Variants in HMGB1 observed in about 807,000 individuals in gnomAD.
HMGB1 encodes the protein high mobility group box 1.
For missense variants in HMGB1, 79 were observed against 253.5 expected (o/e 0.31, Z 4.67); for synonymous variants, 81 against 84.0 (o/e 0.96, Z 0.19).
chr13:30,474,642 A>T (rs1887023654), intron 1 of HMGB1, among the ~76,000 whole-genome samples: 1 of 152,000 alleles, frequency 6.6e-6, no homozygotes, highest in Non-Finnish European at 1.5e-5. Context: ...GGTGGCTCAC[A>T]CTTGTAATCT....
chr13:30,616,556 C>A (rs954513279), intron 1 of HMGB1: 4 of 152,192 alleles, frequency 2.6e-5, no homozygotes, highest in African/African-American at 9.7e-5. Context: ...GGAAGTACTA[C>A]TTTCTCCAAT....
At chr13:30,575,782 G>A (rs950887200) in intron 1 of HMGB1, among the ~76,000 whole-genome samples, 3 of 152,168 alleles carry the variant, frequency 2.0e-5, no homozygotes, top group Non-Finnish European at 2.9e-5. Flanking sequence ...GGTGCATGGT[G>A]ACACCTGCCT....
intron 1 of HMGB1, among the ~76,000 whole-genome samples, chr13:30,494,077 T>C (rs900108636): frequency 2.0e-5 from 3 of 152,224 alleles, no homozygotes; most frequent in Non-Finnish European, 4.4e-5. Context: ...AAAGTTGTTA[T>C]TTTAAAAATC....
chr13:30,466,050 G>T, upstream of HMGB1: 2 of 649,860 alleles, frequency 3.1e-6, no homozygotes, highest in Non-Finnish European at 3.8e-6. Context: ...CTGTCTCCGG[G>T]GACACGTCAT....
At chr13:30,523,755 G>GC (rs56723237) in intron 1 of HMGB1, among the ~76,000 whole-genome samples, 113,194 of 146,862 alleles carry the variant, frequency 0.77, 44,187 homozygotes, top group Non-Finnish European at 0.83. Context: ...TTTTTTGTTT[G>GC]TTTGAGATGG....
At chr13:30,586,708 C>CA (rs1324996908) in intron 1 of HMGB1, among the ~76,000 whole-genome samples, 2 of 151,968 alleles carry the variant, frequency 1.3e-5, no homozygotes, top group African/African-American at 4.8e-5. Flanking sequence ...TGGTCTTAAA[C>CA]TCCTGACCTC....
intron 1 of HMGB1, among the ~76,000 whole-genome samples, chr13:30,482,774 T>C (rs1296739741): frequency 7.0e-6 from 1 of 142,178 alleles, no homozygotes; most frequent in Non-Finnish European, 1.6e-5. Flanking sequence ...GTGAGGTCTT[T>C]ACCAATTTTT....
At chr13:30,554,341 C>T in intron 1 of HMGB1, 1 of 884,228 alleles carries the variant, frequency 1.1e-6, no homozygotes, top group Non-Finnish European at 1.9e-6. Flanking sequence ...GGTGCACGGG[C>T]ACCTTCTCTC....
At chr13:30,553,882 C>G in intron 1 of HMGB1, 5 of 1,338,622 alleles carry the variant, frequency 3.7e-6, no homozygotes, top group Non-Finnish European at 5.4e-6. Flanking sequence ...TATATTAATG[C>G]CAGCTTAGTT....
chr13:30,499,293 T>C (rs1035308984), intron 1 of HMGB1, among the ~76,000 whole-genome samples: 1 of 152,188 alleles, frequency 6.6e-6, no homozygotes, highest in South Asian at 2.1e-4. Flanking sequence ...GCCCCGAAGA[T>C]GGGTTCAGAA....
chr13:30,556,123 G>A (rs1869675122), intron 1 of HMGB1, among the ~76,000 whole-genome samples: 1 of 152,188 alleles, frequency 6.6e-6, no homozygotes, highest in Admixed American at 6.6e-5. Flanking sequence ...AAGTCATTGA[G>A]GCTGGGCGTG....
chr13:30,554,261 A>G (rs1370131605), intron 1 of HMGB1: 1 of 1,397,216 alleles, frequency 7.2e-7, no homozygotes, highest in African/African-American at 1.4e-5. Flanking sequence ...TTTCTTGTTG[A>G]AAGTGAGAGA....
At chr13:30,492,981 T>A (rs1012331492) in intron 1 of HMGB1, among the ~76,000 whole-genome samples, 2 of 114,436 alleles carry the variant, frequency 1.7e-5, no homozygotes, top group African/African-American at 7.0e-5. Flanking sequence ...GGTGACGAAG[T>A]GAGACTACAT....
chr13:30,515,844 C>T (rs180971334), intron 1 of HMGB1, among the ~76,000 whole-genome samples: 1 of 152,246 alleles, frequency 6.6e-6, no homozygotes, highest in Admixed American at 6.5e-5. Context: ...GAATATTTTA[C>T]AAACTAAGGT....
intron 1 of HMGB1, among the ~76,000 whole-genome samples, chr13:30,504,300 T>C (rs1887803509): frequency 1.3e-5 from 2 of 152,224 alleles, no homozygotes; most frequent in Non-Finnish European, 2.9e-5. Context: ...TTTTGACTCA[T>C]GAAGTTACTT....
rs1869020487 is a variant in HMGB1 at position 30,543,745 on chromosome 13, T to G, written c.-15+72926A>C. On this transcript the variant is annotated intron_variant, in intron 1 of 4. Transcript: ENST00000405805. ...TGAAGCCCCAACTGCAAAATAAGTCTGTCAAGGTCTCTAAAAATGTACACC... is the reference window on the plus strand; with the variant it reads ...TGAAGCCCCAACTGCAAAATAAGTCGGTCAAGGTCTCTAAAAATGTACACC... Among the ~76,000 whole-genome samples the G allele has an allele frequency of 2.6e-5, 4 of 152,192 alleles. No homozygotes were observed. In the South Asian group the frequency reaches 8.3e-4, roughly 31 times the overall value.
chr13:30,496,634 G>C (rs1160620988), intron 1 of HMGB1, among the ~76,000 whole-genome samples: 1 of 152,198 alleles, frequency 6.6e-6, no homozygotes, highest in Non-Finnish European at 1.5e-5. Flanking sequence ...ATCAAAGGGG[G>C]AGATTCTTTA....
chr13:30,542,118 G>C (rs933867288), intron 1 of HMGB1: 1 of 153,698 alleles, frequency 6.5e-6, no homozygotes, highest in African/African-American at 2.4e-5. Context: ...AGAGTAGTGC[G>C]GCCCCGCCTG....
rs181679126 is a variant in HMGB1 at position 30,600,988 on chromosome 13, A to G, written c.-15+15683T>C. 2.0e-5 allele frequency among the ~76,000 whole-genome samples: 3 copies of G among 152,298 alleles called. No individual in the cohort carries two copies. The East Asian group carries it at 5.8e-4, about 29-fold the overall frequency. On this transcript the variant is annotated intron_variant, in intron 1 of 4. Transcript: ENST00000405805. ...CATCCAGATGGCCTGAAGTAACTGA[A>G]GATCCACAAAAGAAGTAAAAATAAC...
Sources: allele counts gnomAD v4.1 joint callset (sites outside exome capture counted in the v4.1 genomes callset), GRCh38; gene constraint gnomAD v4.1.1; transcripts MANE v1.5; gene names NCBI Gene and HGNC (gene_info 2026-07-23, HGNC 2026-07-21).